Variants in CLASP2 observed in about 807,000 individuals in gnomAD.
CLASP2 encodes the protein cytoplasmic linker associated protein 2, also known as CLIP-associating protein 2.
Under a neutral mutation model 194.4 loss-of-function variants are expected in CLASP2, and 47 were observed. The observed-to-expected ratio is 0.24, with a 90% confidence interval of 0.19 to 0.31. CLASP2 has a LOEUF of 0.31. Among genes scored for constraint, CLASP2 ranks in the 10% least tolerant of loss-of-function variants. CLASP2 has a pLI of 1.00. For synonymous variants in CLASP2, 619 were observed against 633.5 expected, an observed-to-expected ratio of 0.98 and a Z score of 0.34; for missense variants, 1,445 against 1,823.6, an observed-to-expected ratio of 0.79 and a Z score of 3.78.
At chr3:33,574,693 G>C (rs1314272276) in intron 24 of CLASP2, among the ~76,000 whole-genome samples, 1 of 152,078 alleles carries the variant, frequency 6.6e-6, no homozygotes, top group Non-Finnish European at 1.5e-5. Context: ...GAGAAATAGT[G>C]ATGCTACAAA....
At chr3:33,612,731 T>C (rs1293301125) in intron 12 of CLASP2, among the ~76,000 whole-genome samples, 3 of 152,160 alleles carry the variant, frequency 2.0e-5, no homozygotes, top group African/African-American at 7.2e-5. Flanking sequence ...GGCTGGGTTA[T>C]CTAGGAAGCA....
chr3:33,615,647 T>A (rs1049871269), intron 12 of CLASP2, among the ~76,000 whole-genome samples: 5 of 151,440 alleles, frequency 3.3e-5, no homozygotes, highest in Admixed American at 2.0e-4. Context: ...CTCAATTCTA[T>A]GCCAAAGAAT....
At chr3:33,608,096 C>T (rs570438757) in intron 14 of CLASP2, among the ~76,000 whole-genome samples, 154 of 152,262 alleles carry the variant, frequency 1.0e-3, no homozygotes, top group Non-Finnish European at 1.7e-3. Flanking sequence ...TTTTCCTCTC[C>T]GTCATCTCAG....
chr3:33,699,882 A>ATCTT (rs1164176439), intron 1 of CLASP2, among the ~76,000 whole-genome samples: 1 of 151,790 alleles, frequency 6.6e-6, no homozygotes, highest in East Asian at 1.9e-4. Context: ...CAAAAAAAAA[A>ATCTT]AAAAAAAGAA....
At chr3:33,567,303 A>G (rs1226355187) in intron 26 of CLASP2, among the ~76,000 whole-genome samples, 1 of 152,220 alleles carries the variant, frequency 6.6e-6, no homozygotes. Context: ...CCTGATCTAA[A>G]GACTGCAGGC....
At chr3:33,658,915 C>T (rs920841234) in intron 7 of CLASP2, 6 of 1,410,338 alleles carry the variant, frequency 4.3e-6, no homozygotes, top group East Asian at 5.0e-5. Context: ...AGCAAATGAT[C>T]GTCACCTTAA....
intron 21 of CLASP2, among the ~76,000 whole-genome samples, chr3:33,587,944 G>T (rs1351766390): frequency 2.6e-5 from 4 of 152,204 alleles, no homozygotes; most frequent in African/African-American, 9.7e-5. Flanking sequence ...GGGTGGAAGT[G>T]TTGGTAGGAG....
Position 33,538,918 on chromosome 3 carries a change from A to G in CLASP2, c.3429T>C (p.Asn1143=), listed in dbSNP as rs1297400396. The change falls in exon 33 of 39, where the codon AAT becomes AAC. Residue 1143 remains asparagine, a synonymous_variant. Transcript: ENST00000682230. ...SPSAFDYDTE[N]MNSEDIYSSL... ...AGCTATAAATATCTTCAGAGTTCAT[A>G]TTTTCTGTGTCATAATCAAATGCAC... 6.3e-7 allele frequency: 1 copy of G among 1,584,046 alleles called. No individual in the cohort carries two copies. Among genetic ancestry groups the G allele is most frequent in the Non-Finnish European group, 8.6e-7 (1 of 1,168,470 alleles).
intron 12 of CLASP2, among the ~76,000 whole-genome samples, chr3:33,613,666 C>T (rs1192390839): frequency 3.3e-5 from 5 of 152,182 alleles, no homozygotes. Flanking sequence ...GCCTGTTAGT[C>T]AACTGTTTAA....
At chr3:33,577,678 G>C (rs753044884) in intron 23 of CLASP2, among the ~76,000 whole-genome samples, 1 of 152,144 alleles carries the variant, frequency 6.6e-6, no homozygotes, top group Non-Finnish European at 1.5e-5. Flanking sequence ...CTAACTGACT[G>C]ACCTTCTACA....
chr3:33,607,705 C>T (rs1013151065), intron 14 of CLASP2, among the ~76,000 whole-genome samples: 9 of 152,004 alleles, frequency 5.9e-5, no homozygotes, highest in Non-Finnish European at 1.2e-4. Flanking sequence ...ATTATTTTTA[C>T]ATGGAATTCA....
At chr3:33,680,464 G>C (rs1230886070) in intron 6 of CLASP2, among the ~76,000 whole-genome samples, 1 of 152,160 alleles carries the variant, frequency 6.6e-6, no homozygotes, top group Non-Finnish European at 1.5e-5. Flanking sequence ...AGAGTATACA[G>C]GAAATCTCTG....
intron 29 of CLASP2, among the ~76,000 whole-genome samples, chr3:33,552,307 C>T (rs1222565771): frequency 4.6e-5 from 7 of 151,856 alleles, no homozygotes; most frequent in East Asian, 3.9e-4. Flanking sequence ...TTAGTAGAGA[C>T]GAGGTTTCAC....
At chr3:33,695,575 G>C (rs1475138828) in intron 2 of CLASP2, among the ~76,000 whole-genome samples, 1 of 151,986 alleles carries the variant, frequency 6.6e-6, no homozygotes, top group African/African-American at 2.4e-5. Flanking sequence ...GAAGAAAAAA[G>C]TTAACCAAAC....
At chr3:33,563,512 A>G (rs1459342122) in intron 27 of CLASP2, among the ~76,000 whole-genome samples, 1 of 152,162 alleles carries the variant, frequency 6.6e-6, no homozygotes, top group Non-Finnish European at 1.5e-5. Context: ...TATTTCCTGT[A>G]TACCAGGGTT....
intron 12 of CLASP2, among the ~76,000 whole-genome samples, chr3:33,617,989 C>T (rs1316191574): frequency 4.8e-5 from 7 of 146,466 alleles, no homozygotes; most frequent in Non-Finnish European, 9.0e-5. Context: ...ACTCTTGTTG[C>T]CCAGGCTGGA....
chr3:33,659,490 C>A, intron 7 of CLASP2: 2 of 783,372 alleles, frequency 2.6e-6, no homozygotes, highest in Non-Finnish European at 3.1e-6. Flanking sequence ...AAAAGGTTTT[C>A]ATCCTTTTGT....
intron 8 of CLASP2, among the ~76,000 whole-genome samples, chr3:33,637,764 G>A (rs1459076716): frequency 6.6e-6 from 1 of 152,128 alleles, no homozygotes; most frequent in Non-Finnish European, 1.5e-5. Context: ...AATAACTAAT[G>A]AGGCTGGTAT....
At chr3:33,538,700 T>C in intron 33 of CLASP2, 89 bp downstream of exon 33, 2 of 1,133,468 alleles carry the variant, frequency 1.8e-6, no homozygotes, top group Non-Finnish European at 2.4e-6. Flanking sequence ...GAAAAGTATA[T>C]TCAAAAATGA....
Sources: gnomAD v4.1 joint callset for allele counts (sites outside exome capture counted in the v4.1 genomes callset) on GRCh38, gnomAD v4.1.1 for gene constraint, MANE v1.5 for transcripts, NCBI Gene and HGNC (gene_info 2026-07-23, HGNC 2026-07-21) for gene names.